NPHP4: variants seen among roughly 807,000 people sequenced by gnomAD.
NPHP4 encodes nephrocystin 4, also known as nephrocystin-4.
NPHP4 carries 151 observed loss-of-function variants against 155.8 expected under a neutral mutation model. The observed-to-expected ratio is 0.97, with a 90% CI of 0.85 to 1.11. The LOEUF (loss-of-function observed/expected upper bound fraction) is 1.11. NPHP4 is among the 50% of genes least tolerant of loss of function. The probability of loss-of-function intolerance (pLI) is 0.00; values close to 1 mark genes in which losing one functional copy is unlikely to be tolerated. For synonymous variants in NPHP4, 845 were observed against 816.8 expected, an observed-to-expected ratio of 1.03 and a Z score of -0.59; for missense variants, 1,956 against 1,925.7, an observed-to-expected ratio of 1.02 and a Z score of -0.29.
At chr1:5,873,106 GA>G in intron 23 of NPHP4, 145 bp downstream of exon 23, 5 of 709,892 alleles carry the variant, frequency 7.0e-6, no homozygotes, top group Non-Finnish European at 1.3e-5. Flanking sequence ...CGAGGACACG[GA>G]AAAGGCCATT....
chr1:5,978,207 A>G (rs1654035659), intron 3 of NPHP4, 63 bp downstream of exon 3: 2 of 1,517,188 alleles, frequency 1.3e-6, no homozygotes, highest in African/African-American at 1.4e-5. Flanking sequence ...GCTGCCACCC[A>G]GGACCACCCG....
chr1:5,909,290 G>T, intron 11 of NPHP4, 77 bp from the exon 12 acceptor site: 1 of 1,177,080 alleles, frequency 8.5e-7, no homozygotes, highest in Non-Finnish European at 1.2e-6. Flanking sequence ...GAACCCCCAC[G>T]CAGTCAGGTC....
At chr1:5,917,861 C>T (rs189437667) in intron 11 of NPHP4, among the ~76,000 whole-genome samples, 3 of 152,252 alleles carry the variant, frequency 2.0e-5, no homozygotes, top group African/African-American at 7.2e-5. Context: ...GTGACGTGTG[C>T]CATTTCTGGG....
chr1:5,875,259 C>T (rs1642464923), intron 20 of NPHP4, among the ~76,000 whole-genome samples, 159 bp from the exon 21 acceptor site: 1 of 152,188 alleles, frequency 6.6e-6, no homozygotes, highest in African/African-American at 2.4e-5. Flanking sequence ...CTGGGTGGAA[C>T]TGGCCGGCCC....
In NPHP4 at chr1:5,867,235, C is replaced by T. The variant is rs1291598713; in HGVS notation, c.3473-120G>A. The T allele has an allele frequency of 1.6e-5, 12 of 727,786 alleles. No homozygotes were observed. The highest frequency in any genetic ancestry group is 2.3e-5 in the Non-Finnish European group (10 of 435,540). The allele number at this position is 727,786 out of a possible 1,614,324, so 45.1% of individuals were successfully genotyped here. Reference sequence around the variant, plus strand: ...TCGTCACAGGTGCTCAGCAAGACACCTGCTGGGGAAACGGACGCCGCCACC... The same window carrying T: ...TCGTCACAGGTGCTCAGCAAGACACTTGCTGGGGAAACGGACGCCGCCACC... On this transcript the variant is annotated intron_variant, in intron 24 of 29. Coordinates refer to ENST00000378156, the MANE Select transcript of NPHP4 (RefSeq NM_015102.5). This position sits in a 1 kb window ranked among gnomAD's most constrained non-coding sequence, Gnocchi z 4.1.
chr1:5,864,473 C>A lies in NPHP4; in HGVS notation c.3861G>T (p.Gln1287His). The change falls in exon 28 of 30, where the codon CAG (glutamine) becomes CAT (histidine). Residue 1287 changes from glutamine to histidine, a missense_variant. Transcript: ENST00000378156. The stretch of plus-strand genomic sequence containing the variant: ...GGGGCCTCACGCCAACATGCAGGTC[C>A]TGCACCCCACGAGGCGGCAGCACGA... The part of the protein sequence containing the change: ...GVFVLPPRGV[Q>H]DLHVGVRPLR... 6.2e-7 allele frequency: 1 copy of A among 1,601,144 alleles called. No homozygotes were observed. The highest frequency in any genetic ancestry group is 8.5e-7 in the Non-Finnish European group (1 of 1,173,610).
Position 5,942,791 on chromosome 1 carries a change from A to C in NPHP4, c.1119+4313T>G, listed in dbSNP as rs146097075. On this transcript the variant is annotated intron_variant, in intron 9 of 29. Transcript: ENST00000378156. ...ATATGAGTTAATACATAAACAATAA[A>C]TCAGGCAAATCTTCACCCCTTAGAG... Among the ~76,000 whole-genome samples, 334 of 152,218 alleles carry C rather than the reference A, an allele frequency of 2.2e-3. 1 individual carries two copies. The highest frequency in any genetic ancestry group is 7.8e-3 in the African/African-American group (322 of 41,540).
At position 5,892,500 on chromosome 1, in the gene NPHP4, G is replaced by A. The variant is rs762843873; in HGVS notation, c.2144-1472C>T. On this transcript the variant is annotated intron_variant, in intron 16 of 29. Transcript: ENST00000378156. The surrounding 1 kb of genome is among the most constrained non-coding windows in gnomAD (Gnocchi z 4.5). The stretch of plus-strand genomic sequence containing the variant: ...GCAGGGCCTCCCACATGGTGGGGGC[G>A]CAGTTATTTGTTTGCTGAGTAAGTG... 7.2e-5 allele frequency among the ~76,000 whole-genome samples: 11 copies of A among 152,264 alleles called. No individual in the cohort carries two copies. The highest frequency in any genetic ancestry group is 3.9e-4 in the East Asian group (2 of 5,156).
At chr1:5,900,831 C>T (rs1644639061) in intron 16 of NPHP4, among the ~76,000 whole-genome samples, 1 of 152,026 alleles carries the variant, frequency 6.6e-6, no homozygotes, top group Non-Finnish European at 1.5e-5. Flanking sequence ...AGGAGTTCAA[C>T]ACCAGCCTGG....
chr1:5,939,972 G>A (rs111939250), intron 9 of NPHP4, among the ~76,000 whole-genome samples: 7 of 152,300 alleles, frequency 4.6e-5, no homozygotes, highest in African/African-American at 1.7e-4. Flanking sequence ...GGCCAGCAGA[G>A]GGACAGAGAA....
chr1:5,916,782 C>T (rs557595860), intron 11 of NPHP4, among the ~76,000 whole-genome samples: 19 of 152,278 alleles, frequency 1.2e-4, no homozygotes, highest in South Asian at 6.2e-4. Flanking sequence ...CCAAGGTGGG[C>T]GGATCACCTG....
rs1158795750 is a variant in NPHP4, at chr1:5,891,505, C to T, written c.2144-477G>A. Among the ~76,000 whole-genome samples, 3 of 152,354 alleles carry T rather than the reference C, an allele frequency of 2.0e-5. No individual in the cohort carries two copies. In the East Asian group the frequency reaches 5.8e-4, roughly 29 times the overall value. On this transcript the variant is annotated intron_variant, in intron 16 of 29. Coordinates refer to ENST00000378156, the MANE Select transcript of NPHP4 (RefSeq NM_015102.5). ...TGGCCCTAAAGCAGGACGGCACCTG[C>T]CCCGTGGGTATCCCGGGCTCCTCCC...
At chr1:5,868,040 T>A in intron 23 of NPHP4, 144 bp from the exon 24 acceptor site, 1 of 893,352 alleles carries the variant, frequency 1.1e-6, no homozygotes, top group South Asian at 1.4e-5. Context: ...TCGGGCATCG[T>A]CAAAGGCAGG....
Position 5,904,602 on chromosome 1 carries a change from C to G in NPHP4, c.2143+15G>C. 6.3e-7 allele frequency: 1 copy of G among 1,580,034 alleles called. No homozygotes were observed. The highest frequency in any genetic ancestry group is 8.6e-7 in the Non-Finnish European group (1 of 1,157,146). On this transcript the variant is annotated intron_variant, in intron 16 of 29. Transcript: ENST00000378156. The stretch of plus-strand genomic sequence containing the variant: ...TACAGAATGTCTTGCCTTTGCCATG[C>G]ACATGAGTACTCACCAGCATCAAAG...
Position 5,882,841 on chromosome 1 carries a change from T to A in NPHP4, c.2486-2602A>T, listed in dbSNP as rs1044394510. 1 of 152,326 alleles carries A rather than the reference T, an allele frequency of 6.6e-6. No individual in the cohort carries two copies. Among genetic ancestry groups the A allele is most frequent in the Non-Finnish European group, 1.5e-5 (1 of 68,118 alleles). The allele number at this position is 152,326 out of a possible 1,614,324, so 9.4% of individuals were successfully genotyped here. A position where few individuals can be genotyped will look rare whatever the true frequency, so the allele number is the denominator to read the frequency against. The stretch of plus-strand genomic sequence containing the variant: ...CTCCCAGTGGAGGCTGCAGAGCCTC[T>A]GCCCAAACACCCTCCTCTCGCCTGC... On this transcript the variant is annotated intron_variant, in intron 18 of 29. Transcript: ENST00000378156. This position sits in a 1 kb window ranked among gnomAD's most constrained non-coding sequence, Gnocchi z 5.1.
At chr1:5,873,600 C>T in intron 22 of NPHP4, 1 of 548,822 alleles carries the variant, frequency 1.8e-6, no homozygotes, top group South Asian at 2.3e-5. Context: ...TCCTCACAGC[C>T]CATCCCAAGA....
chr1:5,867,961 C>T lies in NPHP4; in HGVS notation c.3316-65G>A, dbSNP rs764880892. Reference sequence around the variant, plus strand: ...GCTTGTGAGCAGCTTCTTGTCCCTCCTTAGACAGCACACGTATCTCCACTG... The same window carrying T: ...GCTTGTGAGCAGCTTCTTGTCCCTCTTTAGACAGCACACGTATCTCCACTG... On this transcript the variant is annotated intron_variant, in intron 23 of 29. Coordinates refer to ENST00000378156, the MANE Select transcript of NPHP4 (RefSeq NM_015102.5). The surrounding 1 kb of genome is among the most constrained non-coding windows in gnomAD (Gnocchi z 4.1). 1.7e-5 allele frequency: 26 copies of T among 1,548,260 alleles called. No individual in the cohort carries two copies. Among genetic ancestry groups the T allele is most frequent in the Non-Finnish European group, 2.1e-5 (24 of 1,120,934 alleles).
At chr1:5,958,632 T>C (rs1227685716) in intron 6 of NPHP4, among the ~76,000 whole-genome samples, 2 of 150,582 alleles carry the variant, frequency 1.3e-5, no homozygotes, top group African/African-American at 2.4e-5. Context: ...AAGGCGGAGG[T>C]TGTAGTGAGC....
At chr1:5,873,465 C>G (rs945278847) in intron 22 of NPHP4, 130 bp from the exon 23 acceptor site, 12 of 709,874 alleles carry the variant, frequency 1.7e-5, no homozygotes, top group Admixed American at 4.9e-5. Flanking sequence ...CTCCAGGCAG[C>G]AACCATCACC....
Sources: gnomAD v4.1 joint callset for allele counts (sites outside exome capture counted in the v4.1 genomes callset) on GRCh38, gnomAD v4.1.1 for gene constraint, Gnocchi (gnomAD v3.1) non-coding constraint, MANE v1.5 for transcripts, NCBI Gene and HGNC (gene_info 2026-07-23, HGNC 2026-07-21) for gene names.